The following AMZ2 variants were observed in gnomAD, a reference collection of about 807,000 sequenced individuals.
AMZ2 encodes the protein archaelysin family metallopeptidase 2.
In AMZ2, 26 loss-of-function variants were observed where a neutral mutation model predicts 36.7. The observed-to-expected ratio is 0.71, with a 90% CI of 0.52 to 0.98. The LOEUF is 0.98. Among genes scored for constraint, AMZ2 ranks in the 50% least tolerant of loss-of-function variants. The pLI, the probability that AMZ2 is intolerant of heterozygous loss-of-function variation, is 0.00. For synonymous variants in AMZ2, 144 were observed against 149.1 expected (o/e 0.97, Z 0.25); for missense variants, 394 against 430.5 (o/e 0.92, Z 0.75).
At position 68,254,637 on chromosome 17, in the gene AMZ2, T is replaced by G. The variant is rs1555741835; in HGVS notation, c.750+70T>G. On this transcript the variant is annotated intron_variant, in intron 5 of 6. Coordinates refer to ENST00000359904, the MANE Select transcript of AMZ2 (RefSeq NM_016627.5). ...TCTTAGTTCCGTAAACTGTATATTG[T>G]CAGTCCGTAAGGTAATATTATAAAT... 6.0e-6 allele frequency: 8 copies of G among 1,332,192 alleles called. No individual in the cohort carries two copies. The Admixed American group carries it at 8.6e-5, about 14-fold the overall frequency. 82.5% of individuals were successfully genotyped at this position (1,332,192 alleles called of 1,614,324 possible). A position where few individuals can be genotyped will look rare whatever the true frequency, so the allele number is the denominator to read the frequency against.
chr17:68,217,498 A>C (rs1161898446), intron 1 of AMZ2, among the ~76,000 whole-genome samples: 1 of 152,212 alleles, frequency 6.6e-6, no homozygotes, highest in Non-Finnish European at 1.5e-5. Context: ...AAAGTCAAGT[A>C]GGAAACTTTA....
At chr17:68,223,615 A>T (rs533162356) in intron 1 of AMZ2, among the ~76,000 whole-genome samples, 2 of 144,784 alleles carry the variant, frequency 1.4e-5, no homozygotes, top group South Asian at 2.2e-4. Flanking sequence ...TCTCAGCTCA[A>T]TGCAACCTCT....
chr17:68,216,681 A>G (rs2073202016), intron 1 of AMZ2, among the ~76,000 whole-genome samples: 1 of 152,232 alleles, frequency 6.6e-6, no homozygotes. Context: ...ACCAATGCTT[A>G]TAACTCGAGG....
At chr17:68,225,234 G>A (rs1483059397) in intron 1 of AMZ2, among the ~76,000 whole-genome samples, 3 of 152,024 alleles carry the variant, frequency 2.0e-5, no homozygotes, top group South Asian at 2.1e-4. Flanking sequence ...TGAAATTGAC[G>A]GGCTGTAGCA....
rs139839133 is a variant in AMZ2 at position 68,214,500 on chromosome 17, C to G, written c.-67+8262C>G. 8.2e-4 allele frequency among the ~76,000 whole-genome samples: 125 copies of G among 152,084 alleles called. 2 individuals carry two copies. Among genetic ancestry groups the G allele is most frequent in the African/African-American group, 2.9e-3 (118 of 41,366 alleles). ...TTCTTCACAACTGAGCGTGGTTTCT[C>G]CCAGTCCAGGGAACCTCAGTTTACC... is the stretch of plus-strand genomic sequence containing the variant. On this transcript the variant is annotated intron_variant, in intron 1 of 7. Transcript: ENST00000674770.
upstream of AMZ2, among the ~76,000 whole-genome samples, chr17:68,244,704 G>T (rs2073966196): frequency 6.6e-6 from 1 of 152,206 alleles, no homozygotes; most frequent in Non-Finnish European, 1.5e-5. Context: ...AAGTACTGGG[G>T]AATCTGGGTG....
chr17:68,243,923 A>G (rs1389221607), upstream of AMZ2, among the ~76,000 whole-genome samples: 2 of 152,236 alleles, frequency 1.3e-5, no homozygotes, highest in African/African-American at 4.8e-5. Context: ...TAACCCAGGT[A>G]GGTAACTGGG....
intron 1 of AMZ2, chr17:68,206,488 C>G (rs781970325): frequency 9.1e-5 from 16 of 176,198 alleles, no homozygotes; most frequent in South Asian, 2.0e-4. Flanking sequence ...CTCTCTCCCC[C>G]CCAACCTCCT....
chr17:68,240,967 G>T (rs1212992295), intron 1 of AMZ2, among the ~76,000 whole-genome samples: 1 of 152,142 alleles, frequency 6.6e-6, no homozygotes, highest in Non-Finnish European at 1.5e-5. Context: ...GAAGGTTCTG[G>T]GGATGTGCTG....
chr17:68,248,560 G>A lies in AMZ2; in HGVS notation c.-146G>A, dbSNP rs560208956. The A allele has an allele frequency of 1.3e-4, 132 of 986,036 alleles. No individual in the cohort carries two copies. The East Asian group carries it at 7.7e-3, about 58-fold the overall frequency. 61.1% of individuals were successfully genotyped at this position (986,036 alleles called of 1,614,324 possible). A position where few individuals can be genotyped will look rare whatever the true frequency, so the allele number is the denominator to read the frequency against. ...CGCAGCTTCCCTAGATTAGGCTTGG[G>A]AGGCAAGAGGAGGCCTCCTGACCTT... On this transcript the variant is annotated 5_prime_UTR_variant, in exon 1 of 7. Transcript: ENST00000359904.
At chr17:68,226,125 C>T (rs1395589256) in intron 1 of AMZ2, among the ~76,000 whole-genome samples, 1 of 152,076 alleles carries the variant, frequency 6.6e-6, no homozygotes, top group African/African-American at 2.4e-5. Context: ...CCGACTGGCC[C>T]GAAGTGGATT....
At chr17:68,207,818 G>A (rs372154934) in intron 1 of AMZ2, among the ~76,000 whole-genome samples, 4 of 151,712 alleles carry the variant, frequency 2.6e-5, no homozygotes, top group African/African-American at 9.7e-5. Context: ...GCTGGCCAAG[G>A]CTGGAGCCGG....
chr17:68,214,760 C>G (rs530307967), intron 1 of AMZ2, among the ~76,000 whole-genome samples: 2 of 151,754 alleles, frequency 1.3e-5, no homozygotes, highest in East Asian at 3.9e-4. Context: ...GTGTCTCCTA[C>G]TTTATCCTTA....
intron 1 of AMZ2, among the ~76,000 whole-genome samples, chr17:68,239,158 T>C (rs2073852339): frequency 6.6e-6 from 1 of 152,218 alleles, no homozygotes; most frequent in Non-Finnish European, 1.5e-5. Flanking sequence ...ACAGGTCACC[T>C]GCTGCTGCTT....
chr17:68,220,764 T>TTTTTTC (rs1426180247), intron 1 of AMZ2, among the ~76,000 whole-genome samples: 12 of 146,450 alleles, frequency 8.2e-5, no homozygotes, highest in East Asian at 6.1e-4. Context: ...CAGGGACACT[T>TTTTTTC]TTTTTCTTTT....
At chr17:68,212,869 A>G (rs747102262) in intron 1 of AMZ2, among the ~76,000 whole-genome samples, 18 of 151,892 alleles carry the variant, frequency 1.2e-4, no homozygotes, top group South Asian at 6.2e-4. Flanking sequence ...CACCTGGCCA[A>G]TTTTTTCCTT....
In AMZ2 at chr17:68,248,282, GA is replaced by G. The variant is rs1156872630; in HGVS notation, c.-423del. 3.2e-5 allele frequency: 32 copies of G among 985,754 alleles called. No homozygotes were observed. The highest frequency in any genetic ancestry group is 3.7e-5 in the Non-Finnish European group (31 of 830,092). The allele number at this position is 985,754 out of a possible 1,614,324, so 61.1% of individuals were successfully genotyped here. On this transcript the variant is annotated 5_prime_UTR_variant, in exon 1 of 7. Transcript: ENST00000359904. ...GGGTCGGTGCCTCTAGGGAGCCAGGGAGGCCTTTCCCGAGGCTCCTGGGGAA... is the reference window on the plus strand; with the variant it reads ...GGGTCGGTGCCTCTAGGGAGCCAGGGGGCCTTTCCCGAGGCTCCTGGGGAA...
intron 1 of AMZ2, among the ~76,000 whole-genome samples, chr17:68,211,273 C>T (rs566946073): frequency 3.9e-5 from 6 of 151,928 alleles, no homozygotes; most frequent in South Asian, 2.1e-4. Context: ...GAGGCCGATG[C>T]GGTAGGATCA....
chr17:68,248,867 A>C (rs2074225124), intron 1 of AMZ2, 162 bp downstream of exon 1: 1 of 739,568 alleles, frequency 1.4e-6, no homozygotes. Context: ...TCAACCCCAG[A>C]ATTTATAGGT....
Sources: allele counts gnomAD v4.1 joint callset (sites outside exome capture counted in the v4.1 genomes callset), GRCh38; gene constraint gnomAD v4.1.1; transcripts MANE v1.5; gene names NCBI Gene and HGNC (gene_info 2026-07-23, HGNC 2026-07-21).